TCF20: variants seen among roughly 807,000 people sequenced by gnomAD.
TCF20 encodes the protein SPRE-binding protein.
A neutral mutation model predicts 148.6 loss-of-function variants in TCF20; 3 were observed. That is an observed-to-expected ratio of 0.02 (90% confidence interval 0.01 to 0.05). The LOEUF is 0.05. TCF20 is among the 10% of genes least tolerant of loss of function. TCF20 has a pLI of 1.00. For missense variants in TCF20, 2,350 were observed against 2,429.3 expected (o/e 0.97, Z 0.69); for synonymous variants, 1,049 against 909.5 (o/e 1.15, Z -2.76).
intron 1 of TCF20, among the ~76,000 whole-genome samples, chr22:42,342,409 T>C (rs1928183681): frequency 6.6e-6 from 1 of 152,116 alleles, no homozygotes; most frequent in Admixed American, 6.5e-5. Flanking sequence ...TGGGACCTGA[T>C]GCTAAGCTTG....
At chr22:42,298,055 T>A (rs1927266966) in intron 1 of TCF20, among the ~76,000 whole-genome samples, 1 of 152,206 alleles carries the variant, frequency 6.6e-6, no homozygotes, top group African/African-American at 2.4e-5. Context: ...AGAGAAGGCA[T>A]CACCACTGTC....
At chr22:42,308,271 A>G (rs937740597) in intron 1 of TCF20, among the ~76,000 whole-genome samples, 18 of 152,122 alleles carry the variant, frequency 1.2e-4, no homozygotes, top group African/African-American at 3.4e-4. Flanking sequence ...GACGTGAAGC[A>G]AGTGAGAGAG....
intron 1 of TCF20, among the ~76,000 whole-genome samples, chr22:42,264,859 C>A (rs1302280222): frequency 1.3e-5 from 2 of 152,240 alleles, no homozygotes; most frequent in African/African-American, 2.4e-5. Context: ...AATTAGCACA[C>A]ACATGCACGC....
intron 2 of TCF20, among the ~76,000 whole-genome samples, chr22:42,197,611 C>T (rs1251036632): frequency 6.6e-6 from 1 of 152,170 alleles, no homozygotes; most frequent in Admixed American, 6.5e-5. Context: ...CGTGAGCCAC[C>T]GTGCCCGGCT....
chr22:42,305,291 G>T (rs1601700373), intron 1 of TCF20, among the ~76,000 whole-genome samples: 1 of 152,066 alleles, frequency 6.6e-6, no homozygotes, highest in Non-Finnish European at 1.5e-5. Flanking sequence ...TATTAATGAG[G>T]ACCAGCTCCC....
intron 1 of TCF20, among the ~76,000 whole-genome samples, chr22:42,281,123 C>T (rs1317356665): frequency 2.6e-5 from 4 of 152,180 alleles, no homozygotes; most frequent in Non-Finnish European, 4.4e-5. Context: ...ACCCCTTGAT[C>T]GGCATCCAAA....
At chr22:42,175,889 C>T (rs1403776585) in intron 3 of TCF20, among the ~76,000 whole-genome samples, 2 of 151,970 alleles carry the variant, frequency 1.3e-5, no homozygotes, top group Non-Finnish European at 2.9e-5. Flanking sequence ...GTCATGCAGC[C>T]CCTCCTGGGT....
rs778738710 is a variant in TCF20, at chr22:42,209,960, T to C, written c.5346A>G (p.Ala1782=). The change falls in exon 2 of 6, where the codon GCA becomes GCG. Residue 1782 remains alanine (A), a synonymous_variant. Coordinates refer to ENST00000677622, the MANE Select transcript of TCF20 (RefSeq NM_001378418.1). ...QQQKEQRSLA[A]HPRFKRRHRS... ...GGTGGCGCCGCTTAAACCTGGGGTG[T>C]GCGGCCAGGCTTCTCTGCTCCTTCT... is the stretch of plus-strand genomic sequence containing the variant. 14 of 1,613,804 alleles carry C rather than the reference T, an allele frequency of 8.7e-6. No individual in the cohort carries two copies. The East Asian group carries it at 2.2e-4, about 26-fold the overall frequency.
chr22:42,292,025 G>T lies in TCF20; in HGVS notation c.-37+51454C>A, dbSNP rs1927142347. On this transcript the variant is annotated intron_variant, in intron 1 of 1. Coordinates refer to the TCF20 transcript ENST00000515426. This position sits in a 1 kb window ranked among gnomAD's most constrained non-coding sequence, Gnocchi z 4.9. Reference sequence around the variant, plus strand: ...TTGTCTCCTGCCCCTGTGGACCTGAGGTCTCTGACCTGGGTAAAAGCAGGC... The same window carrying T: ...TTGTCTCCTGCCCCTGTGGACCTGATGTCTCTGACCTGGGTAAAAGCAGGC... 1.3e-5 allele frequency among the ~76,000 whole-genome samples: 2 copies of T among 152,070 alleles called. No individual in the cohort carries two copies. The highest frequency in any genetic ancestry group is 1.3e-4 in the Admixed American group (2 of 15,272).
At position 42,292,297 on chromosome 22, in the gene TCF20, T is replaced by C. The variant is rs1002404416; in HGVS notation, c.-37+51182A>G. The stretch of plus-strand genomic sequence containing the variant: ...CCCAGGGTTGGGCCTGCGTGTTCCG[T>C]GTCCTGATCCGCTGAGGCCCCAGTG... On this transcript the variant is annotated intron_variant, in intron 1 of 1. Transcript: ENST00000515426. This position sits in a 1 kb window ranked among gnomAD's most constrained non-coding sequence, Gnocchi z 4.9. Among the ~76,000 whole-genome samples the C allele has an allele frequency of 2.6e-5, 4 of 152,170 alleles. No homozygotes were observed. The highest frequency in any genetic ancestry group is 7.2e-5 in the African/African-American group (3 of 41,424).
chr22:42,324,628 A>G (rs1203460880), intron 1 of TCF20, among the ~76,000 whole-genome samples: 1 of 152,174 alleles, frequency 6.6e-6, no homozygotes. Flanking sequence ...CATCCGAGAA[A>G]ATAATCTCCA....
exon 1 of TCF20, among the ~76,000 whole-genome samples, chr22:42,283,874 GCC>G (rs1046598669): frequency 1.4e-4 from 22 of 152,344 alleles, no homozygotes; most frequent in Admixed American, 4.6e-4. Flanking sequence ...CCCCTTGCCA[GCC>G]CGGCGACCAC....
intron 1 of TCF20, among the ~76,000 whole-genome samples, chr22:42,260,489 G>C (rs1316729173): frequency 6.6e-6 from 1 of 152,164 alleles, no homozygotes; most frequent in Non-Finnish European, 1.5e-5. Flanking sequence ...ATACAGTTCA[G>C]ATAAGAGGGT....
At chr22:42,240,687 A>G (rs539995147) in intron 1 of TCF20, among the ~76,000 whole-genome samples, 7 of 152,242 alleles carry the variant, frequency 4.6e-5, no homozygotes, top group Non-Finnish European at 5.9e-5. Context: ...TGCATAGGAG[A>G]TAACTTATAA....
In TCF20 at chr22:42,213,430, C is replaced by T; in HGVS notation, c.1876G>A (p.Gly626Ser). Residue 626 changes from glycine (G) to serine (S), a missense_variant, in exon 2 of 6, where the codon GGC becomes AGC. Physicochemically the swap from Gly to Ser is moderately conservative, Grantham distance 56. Coordinates refer to ENST00000677622, the MANE Select transcript of TCF20 (RefSeq NM_001378418.1). Reference sequence around the variant, plus strand: ...GCTGCAGGATCATCCTCTTGGGAGCCTTTATCTTGTCCACCAGGCTTTTCT... The same window carrying T: ...GCTGCAGGATCATCCTCTTGGGAGCTTTTATCTTGTCCACCAGGCTTTTCT... ...RVEKPGGQDK[G>S]SQEDDPAATQ... The T allele has an allele frequency of 6.2e-7, 1 of 1,614,152 alleles. No homozygotes were observed. The highest frequency in any genetic ancestry group is 8.5e-7 in the Non-Finnish European group (1 of 1,180,026).
intron 1 of TCF20, among the ~76,000 whole-genome samples, chr22:42,295,007 G>A (rs1433032726): frequency 6.6e-6 from 1 of 152,212 alleles, no homozygotes; most frequent in Non-Finnish European, 1.5e-5. Flanking sequence ...AGAGGCAGGG[G>A]CCGCCTGGTT....
chr22:42,276,110 G>A (rs1306994634), intron 1 of TCF20, among the ~76,000 whole-genome samples: 2 of 152,166 alleles, frequency 1.3e-5, no homozygotes, highest in Non-Finnish European at 2.9e-5. Context: ...TGGGCTCCAC[G>A]GGAAGGCAGT....
chr22:42,177,038 T>C (rs998747234), intron 3 of TCF20, among the ~76,000 whole-genome samples: 2 of 152,212 alleles, frequency 1.3e-5, no homozygotes, highest in African/African-American at 4.8e-5. Context: ...ACGATGGATT[T>C]GCTAATTACC....
Position 42,211,119 on chromosome 22 carries a change from C to T in TCF20, c.4187G>A (p.Gly1396Glu), listed in dbSNP as rs774041838. Reference sequence around the variant, plus strand: ...GTCAGCATCCTGAACAGCAACACTCCCACCTTCAGGAGGACCACTCTTCAA... The same window carrying T: ...GTCAGCATCCTGAACAGCAACACTCTCACCTTCAGGAGGACCACTCTTCAA... The part of the protein sequence containing the change: ...LSLKSGPPEG[G>E]SVAVQDADIE... The change falls in exon 2 of 6, where the codon GGG (glycine) becomes GAG (glutamate). Residue 1396 changes from glycine (G) to glutamate (E), a missense_variant. Coordinates refer to ENST00000677622, the MANE Select transcript of TCF20 (RefSeq NM_001378418.1). 4.6e-5 allele frequency: 74 copies of T among 1,614,058 alleles called. No homozygotes were observed. The South Asian group carries it at 6.9e-4, about 15-fold the overall frequency.
Sources: allele counts gnomAD v4.1 joint callset (sites outside exome capture counted in the v4.1 genomes callset), GRCh38; gene constraint gnomAD v4.1.1; non-coding constraint Gnocchi (gnomAD v3.1); transcripts MANE v1.5; gene names NCBI Gene and HGNC (gene_info 2026-07-23, HGNC 2026-07-21).